Variants in CTNNA2 observed in about 807,000 individuals in gnomAD.
CTNNA2 encodes the protein catenin alpha 2.
CTNNA2 carries 42 observed loss-of-function variants against 101.0 expected under a neutral mutation model. The ratio of observed to expected loss-of-function variants is 0.42; its 90% CI spans 0.32 to 0.54. The LOEUF is 0.54. Ranked by LOEUF, CTNNA2 falls within the 20% of genes least tolerant of loss-of-function variation. The pLI, the probability that CTNNA2 is intolerant of heterozygous loss-of-function variation, is 0.14. For synonymous variants in CTNNA2, 450 were observed against 456.4 expected (o/e 0.99, Z 0.18); for missense variants, 871 against 1,223.1 (o/e 0.71, Z 4.29).
intron 1 of CTNNA2, among the ~76,000 whole-genome samples, chr2:79,640,838 T>C (rs1029556118): frequency 6.6e-6 from 1 of 152,318 alleles, no homozygotes; most frequent in African/African-American, 2.4e-5. Context: ...TATGTCTTAA[T>C]GAGTTTATAA....
chr2:79,318,107 T>A (rs2104406379), intron 3 of CTNNA2, among the ~76,000 whole-genome samples: 1 of 152,036 alleles, frequency 6.6e-6, no homozygotes, highest in African/African-American at 2.4e-5. Context: ...TATGTTTTTG[T>A]AAAAAAAATT....
At chr2:79,982,653 G>A (rs1435706615) in intron 7 of CTNNA2, among the ~76,000 whole-genome samples, 1 of 151,836 alleles carries the variant, frequency 6.6e-6, no homozygotes, top group Non-Finnish European at 1.5e-5. Context: ...ACAACTATGT[G>A]CTATGCCGGT....
At chr2:80,548,523 CT>C (rs1692291784) in intron 11 of CTNNA2, among the ~76,000 whole-genome samples, 1 of 152,132 alleles carries the variant, frequency 6.6e-6, no homozygotes. Context: ...CTTTGTGCAT[CT>C]CATTATTACC....
chr2:80,468,449 G>A (rs903621678), intron 9 of CTNNA2, among the ~76,000 whole-genome samples: 1 of 151,956 alleles, frequency 6.6e-6, no homozygotes, highest in African/African-American at 2.4e-5. Flanking sequence ...GATGGAGCCT[G>A]GCTCTGTCAC....
intron 1 of CTNNA2, among the ~76,000 whole-genome samples, chr2:79,560,437 C>T (rs907342192): frequency 2.0e-5 from 3 of 151,784 alleles, no homozygotes; most frequent in Non-Finnish European, 4.4e-5. Flanking sequence ...ATGGAAATAG[C>T]CTTGGAAGAA....
At chr2:79,795,358 C>T (rs1304607260) in intron 3 of CTNNA2, among the ~76,000 whole-genome samples, 1 of 151,964 alleles carries the variant, frequency 6.6e-6, no homozygotes, top group Non-Finnish European at 1.5e-5. Context: ...GTAAAGTACA[C>T]AAACTTTAAA....
At chr2:79,467,909 A>G (rs1670956909) in intron 4 of CTNNA2, among the ~76,000 whole-genome samples, 2 of 152,204 alleles carry the variant, frequency 1.3e-5, no homozygotes, top group Non-Finnish European at 2.9e-5. Flanking sequence ...AACTGGTACC[A>G]GCCACTGCAA....
chr2:79,210,103 T>C (rs890956435), intron 2 of CTNNA2, among the ~76,000 whole-genome samples: 3 of 151,658 alleles, frequency 2.0e-5, no homozygotes, highest in Non-Finnish European at 2.9e-5. Context: ...TGTGTGTGTG[T>C]GTGTGTGTGT....
At chr2:79,658,359 C>T (rs894277916) in intron 2 of CTNNA2, among the ~76,000 whole-genome samples, 1 of 151,888 alleles carries the variant, frequency 6.6e-6, no homozygotes, top group Admixed American at 6.6e-5. Flanking sequence ...TTTAAAGGGA[C>T]TAGAAATGCC....
At chr2:80,227,465 A>G (rs1039379251) in intron 7 of CTNNA2, among the ~76,000 whole-genome samples, 1 of 152,152 alleles carries the variant, frequency 6.6e-6, no homozygotes, top group African/African-American at 2.4e-5. Context: ...TCACGTTACA[A>G]TCCACGCCCA....
intron 14 of CTNNA2, 36 bp downstream of exon 14, chr2:80,581,855 G>C (rs778773080): frequency 6.5e-6 from 8 of 1,236,934 alleles, no homozygotes; most frequent in Middle Eastern, 1.9e-4. Context: ...TTGGCACACA[G>C]GGACCGTGTT....
At chr2:80,020,617 G>C (rs187508707) in intron 7 of CTNNA2, among the ~76,000 whole-genome samples, 2 of 152,218 alleles carry the variant, frequency 1.3e-5, no homozygotes, top group Non-Finnish European at 2.9e-5. Context: ...CTAGTTATTA[G>C]ACTATTCTTC....
intron 15 of CTNNA2, among the ~76,000 whole-genome samples, chr2:80,594,175 A>G (rs1696748498): frequency 6.6e-6 from 1 of 152,104 alleles, no homozygotes; most frequent in South Asian, 2.1e-4. Context: ...TTTTCTTGAT[A>G]GTAGCCATCC....
chr2:80,337,611 A>G (rs1463829436), intron 7 of CTNNA2, among the ~76,000 whole-genome samples: 2 of 152,012 alleles, frequency 1.3e-5, no homozygotes, highest in African/African-American at 2.4e-5. Flanking sequence ...GAGTGCACAC[A>G]CACAAATACA....
chr2:80,602,618 T>A (rs1697649543), intron 15 of CTNNA2, among the ~76,000 whole-genome samples: 1 of 152,062 alleles, frequency 6.6e-6, no homozygotes, highest in Non-Finnish European at 1.5e-5. Flanking sequence ...ATCCAAGTGT[T>A]CCTTAAAAAA....
chr2:80,073,770 A>ACACT (rs1338109512), intron 7 of CTNNA2, among the ~76,000 whole-genome samples: 4 of 93,760 alleles, frequency 4.3e-5, no homozygotes, highest in Non-Finnish European at 6.5e-5. Context: ...ACACACACAC[A>ACACT]CTTATAGGAT....
At chr2:79,514,951 A>G (rs746961695) in intron 1 of CTNNA2, among the ~76,000 whole-genome samples, 1 of 152,126 alleles carries the variant, frequency 6.6e-6, no homozygotes, top group Non-Finnish European at 1.5e-5. Context: ...TTTGCATTTT[A>G]TGGGAGTGTA....
At chr2:80,103,726 T>G (rs1208091480) in intron 7 of CTNNA2, among the ~76,000 whole-genome samples, 3 of 152,032 alleles carry the variant, frequency 2.0e-5, no homozygotes, top group Non-Finnish European at 2.9e-5. Flanking sequence ...TAAATAATGT[T>G]TTGTTTTGTT....
At chr2:79,677,554 T>A (rs1683268873) in intron 2 of CTNNA2, among the ~76,000 whole-genome samples, 1 of 152,208 alleles carries the variant, frequency 6.6e-6, no homozygotes, top group South Asian at 2.1e-4. Flanking sequence ...GCCCACTTAG[T>A]ATCCATATGG....
Sources: allele counts gnomAD v4.1 joint callset (sites outside exome capture counted in the v4.1 genomes callset), GRCh38; gene constraint gnomAD v4.1.1; transcripts MANE v1.5; gene names NCBI Gene and HGNC (gene_info 2026-07-23, HGNC 2026-07-21).